The following PLPP3 variants were observed in gnomAD, a reference collection of about 807,000 sequenced individuals.
The protein encoded by PLPP3 is PAP2 beta.
A neutral mutation model predicts 29.6 loss-of-function variants in PLPP3; 6 were observed. The ratio of observed to expected loss-of-function variants is 0.20; its 90% CI spans 0.11 to 0.40. The LOEUF is 0.40. Among genes scored for constraint, PLPP3 ranks in the 10% least tolerant of loss-of-function variants. The pLI is 1.00. For synonymous variants in PLPP3, 152 were observed against 159.7 expected (o/e 0.95, Z 0.36); for missense variants, 308 against 407.7 (o/e 0.76, Z 2.11).
chr1:56,504,720 A>C (rs1463615023), intron 5 of PLPP3, among the ~76,000 whole-genome samples: 1 of 152,150 alleles, frequency 6.6e-6, no homozygotes, highest in East Asian at 1.9e-4. Flanking sequence ...TCTTACAGCA[A>C]ATGACCATTC....
In PLPP3 at chr1:56,569,854, A is replaced by G. The variant is rs1240811587; in HGVS notation, c.139+9024T>C. On this transcript the variant is annotated intron_variant, in intron 1 of 5. Coordinates refer to ENST00000371250, the MANE Select transcript of PLPP3 (RefSeq NM_003713.5). The stretch of plus-strand genomic sequence containing the variant: ...TAGGTCCCTGCTTCCAAGTCTCAGC[A>G]CCTGTGCTTCACTCTGCTGCAATAC... 2.0e-5 allele frequency among the ~76,000 whole-genome samples: 3 copies of G among 152,056 alleles called. No homozygotes were observed. In the East Asian group the frequency reaches 5.8e-4, roughly 29 times the overall value.
chr1:56,511,845 C>T, intron 5 of PLPP3, 131 bp downstream of exon 5: 1 of 1,083,666 alleles, frequency 9.2e-7, no homozygotes. Flanking sequence ...AGGCCTAAGG[C>T]CAGGTGACTC....
intron 1 of PLPP3, among the ~76,000 whole-genome samples, chr1:56,554,551 G>T (rs1646061520): frequency 7.0e-6 from 1 of 143,182 alleles, no homozygotes; most frequent in South Asian, 2.2e-4. Context: ...CAGCCTGGGC[G>T]ACAGAGCAAG....
chr1:56,496,889 T>G (rs1337125532), intron 5 of PLPP3, among the ~76,000 whole-genome samples: 1 of 152,126 alleles, frequency 6.6e-6, no homozygotes, highest in Non-Finnish European at 1.5e-5. Flanking sequence ...ATGTCCCAGG[T>G]TGCACAACAC....
intron 2 of PLPP3, among the ~76,000 whole-genome samples, chr1:56,527,752 G>A (rs1466634149): frequency 1.3e-5 from 2 of 152,060 alleles, no homozygotes; most frequent in African/African-American, 2.4e-5. Context: ...GGCGGACTTG[G>A]CTTCTTGTAA....
chr1:56,569,655 C>T (rs978907857), intron 1 of PLPP3, among the ~76,000 whole-genome samples: 3 of 152,132 alleles, frequency 2.0e-5, no homozygotes, highest in Admixed American at 6.5e-5. Context: ...TTGCTCTCCT[C>T]GTTCACCAAA....
At chr1:56,556,184 T>C (rs1485407802) in intron 1 of PLPP3, among the ~76,000 whole-genome samples, 2 of 152,118 alleles carry the variant, frequency 1.3e-5, no homozygotes, top group Admixed American at 6.5e-5. Flanking sequence ...CCCAGCACCT[T>C]AGAGTATGAA....
intron 1 of PLPP3, among the ~76,000 whole-genome samples, chr1:56,547,189 TA>T (rs769986466): frequency 3.9e-5 from 6 of 152,204 alleles, no homozygotes; most frequent in Non-Finnish European, 8.8e-5. Flanking sequence ...TCCTTTCCCA[TA>T]AATCTCCTGC....
chr1:56,545,193 A>C (rs1012079496), intron 1 of PLPP3, among the ~76,000 whole-genome samples: 1 of 152,194 alleles, frequency 6.6e-6, no homozygotes, highest in African/African-American at 2.4e-5. Context: ...TCAGGCAGAC[A>C]AGATTTCATA....
chr1:56,526,661 T>C (rs760627014), intron 2 of PLPP3, among the ~76,000 whole-genome samples: 4 of 152,208 alleles, frequency 2.6e-5, no homozygotes, highest in Non-Finnish European at 5.9e-5. Flanking sequence ...CCTACTTGTT[T>C]AGTGAATTTG....
chr1:56,551,170 C>T (rs1646035454), intron 1 of PLPP3, among the ~76,000 whole-genome samples: 1 of 152,164 alleles, frequency 6.6e-6, no homozygotes, highest in African/African-American at 2.4e-5. Flanking sequence ...ATATTATCCA[C>T]AGATGTACAC....
chr1:56,543,214 G>A (rs1011690015), intron 1 of PLPP3, among the ~76,000 whole-genome samples: 1 of 152,106 alleles, frequency 6.6e-6, no homozygotes, highest in African/African-American at 2.4e-5. Context: ...GAAGACCCTG[G>A]ACCTTGAAGG....
intron 1 of PLPP3, among the ~76,000 whole-genome samples, chr1:56,561,004 A>AT (rs375933115): frequency 0.019 from 2,485 of 133,206 alleles, 70 homozygotes; most frequent in African/African-American, 0.054. Context: ...TGCCCGGGTA[A>AT]TTTTTTTTTT....
At chr1:56,551,536 T>TCCTCC (rs1206562037) in intron 1 of PLPP3, among the ~76,000 whole-genome samples, 1 of 151,996 alleles carries the variant, frequency 6.6e-6, no homozygotes, top group Non-Finnish European at 1.5e-5. Context: ...ACACGTTTCC[T>TCCTCC]CCTCCCCTCC....
intron 4 of PLPP3, among the ~76,000 whole-genome samples, chr1:56,518,319 G>A (rs893568247): frequency 1.3e-5 from 2 of 152,012 alleles, no homozygotes; most frequent in Non-Finnish European, 2.9e-5. Context: ...TGGCTAACAA[G>A]CACAGCCCAG....
chr1:56,575,081 G>C (rs532912754), intron 1 of PLPP3, among the ~76,000 whole-genome samples: 84 of 152,252 alleles, frequency 5.5e-4, no homozygotes, highest in African/African-American at 2.0e-3. Flanking sequence ...TAGATGCATA[G>C]GGTAGACATT....
At position 56,495,752 on chromosome 1, in the gene PLPP3, A is replaced by G. The variant is rs1645627473; in HGVS notation, c.*799T>C. ...AGGGAGAAGGCAGTAACCGAAGTCG[A>G]ACTGTTTCTAAGAGTATGCAAGTGC... On this transcript the variant is annotated 3_prime_UTR_variant, in exon 6 of 6. Coordinates refer to ENST00000371250, the MANE Select transcript of PLPP3 (RefSeq NM_003713.5). 1 of 152,664 alleles carries G rather than the reference A, an allele frequency of 6.6e-6. No individual in the cohort carries two copies. Among genetic ancestry groups the G allele is most frequent in the Non-Finnish European group, 1.5e-5 (1 of 68,054 alleles). 9.5% of individuals were successfully genotyped at this position (152,664 alleles called of 1,614,324 possible).
intron 1 of PLPP3, among the ~76,000 whole-genome samples, chr1:56,546,548 A>C (rs1646007756): frequency 6.6e-6 from 1 of 152,174 alleles, no homozygotes; most frequent in East Asian, 1.9e-4. Flanking sequence ...CCCAAGACTG[A>C]GCCTCCTATC....
At chr1:56,499,813 C>T (rs1365481083) in intron 5 of PLPP3, among the ~76,000 whole-genome samples, 1 of 152,170 alleles carries the variant, frequency 6.6e-6, no homozygotes, top group Non-Finnish European at 1.5e-5. Context: ...AAAGTAAAAG[C>T]TTCTTGGCTT....
Sources: gnomAD v4.1 joint callset for allele counts (sites outside exome capture counted in the v4.1 genomes callset) on GRCh38, gnomAD v4.1.1 for gene constraint, MANE v1.5 for transcripts, NCBI Gene and HGNC (gene_info 2026-07-23, HGNC 2026-07-21) for gene names.